SLC23A2: variants seen among roughly 807,000 people sequenced by gnomAD.
SLC23A2 encodes solute carrier family 23 member 2.
SLC23A2 carries 36 observed loss-of-function variants against 73.3 expected under a neutral mutation model. The ratio of observed to expected loss-of-function variants is 0.49; its 90% CI spans 0.38 to 0.65. SLC23A2 has a LOEUF of 0.65. SLC23A2 is among the 30% of genes least tolerant of loss of function. SLC23A2 has a pLI of 0.00. For missense variants in SLC23A2, 507 were observed against 841.6 expected, an observed-to-expected ratio of 0.60 and a Z score of 4.92; for synonymous variants, 343 against 327.3, an observed-to-expected ratio of 1.05 and a Z score of -0.52.
chr20:4,945,001 C>CAA (rs201461959), intron 2 of SLC23A2, among the ~76,000 whole-genome samples: 15 of 113,322 alleles, frequency 1.3e-4, no homozygotes, highest in Non-Finnish European at 2.4e-4. Flanking sequence ...TCTGAATTCT[C>CAA]AAAAAAAAAA....
At chr20:4,927,052 A>T (rs1386209186) in intron 3 of SLC23A2, among the ~76,000 whole-genome samples, 1 of 151,984 alleles carries the variant, frequency 6.6e-6, no homozygotes, top group Non-Finnish European at 1.5e-5. Flanking sequence ...TTCTGAGGCA[A>T]ATGAGAAAAT....
intron 13 of SLC23A2, among the ~76,000 whole-genome samples, chr20:4,866,396 A>C (rs1930201486): frequency 6.6e-6 from 1 of 152,238 alleles, no homozygotes; most frequent in African/African-American, 2.4e-5. Context: ...CTGCAAGCTC[A>C]TGGCAGCAAA....
In SLC23A2 at chr20:4,972,648, G is replaced by A. The variant is rs184871809; in HGVS notation, c.-281-1729C>T. Among the ~76,000 whole-genome samples the A allele has an allele frequency of 1.3e-4, 20 of 151,992 alleles. No homozygotes were observed. In the East Asian group the frequency reaches 2.3e-3, roughly 18 times the overall value. On this transcript the variant is annotated intron_variant, in intron 1 of 16. Transcript: ENST00000338244. ...ATCAGCCAGGCTGGAGTGCCGTGGC[G>A]CAATCTTGGCTCACTACAACCTCCA...
At chr20:4,938,452 C>T (rs2086994907) in intron 2 of SLC23A2, among the ~76,000 whole-genome samples, 1 of 151,844 alleles carries the variant, frequency 6.6e-6, no homozygotes, top group Admixed American at 6.6e-5. Flanking sequence ...AATTCTCCTG[C>T]CTCAGCGTCT....
chr20:4,913,005 G>GGAGGTGGCGCCTCCA, intron 3 of SLC23A2, 27 bp from the exon 4 acceptor site: 1 of 1,472,162 alleles, frequency 6.8e-7, no homozygotes, highest in Non-Finnish European at 9.5e-7. Flanking sequence ...CTTAGAGGCT[G>GGAGGTGGCGCCTCCA]TTTCAGCGTG....
At chr20:4,858,516 C>T (rs144153928) in intron 16 of SLC23A2, among the ~76,000 whole-genome samples, 24 of 150,536 alleles carry the variant, frequency 1.6e-4, no homozygotes, top group East Asian at 7.8e-4. Flanking sequence ...CCCCAGCAAT[C>T]TCTTGATTGA....
chr20:4,983,070 A>G (rs2087752127), intron 1 of SLC23A2, among the ~76,000 whole-genome samples: 1 of 151,906 alleles, frequency 6.6e-6, no homozygotes, highest in African/African-American at 2.4e-5. Context: ...GCGCCATTGC[A>G]CTCCAGCCTG....
chr20:4,883,617 G>C lies in SLC23A2; in HGVS notation c.824+25C>G. ...CCTAAAGGCTGCCCCGCAGTGGTGG[G>C]ATGAGGGGAGATGTTTCCACTTACA... On this transcript the variant is annotated intron_variant, in intron 9 of 16. Transcript: ENST00000338244. The surrounding 1 kb of genome is among the most constrained non-coding windows in gnomAD (Gnocchi z 4.5). 6.4e-7 allele frequency: 1 copy of C among 1,557,882 alleles called. No individual in the cohort carries two copies. Among genetic ancestry groups the C allele is most frequent in the Non-Finnish European group, 8.8e-7 (1 of 1,138,122 alleles).
In SLC23A2 at chr20:4,997,499, C is replaced by T. The variant is rs73601328; in HGVS notation, c.-282+3907G>A. On this transcript the variant is annotated intron_variant, in intron 1 of 16. Transcript: ENST00000338244. The stretch of plus-strand genomic sequence containing the variant: ...CCTCTGCTATGAACTCAACTGTATC[C>T]CCCACCACCACCGAAAGAATTCATT... Among the ~76,000 whole-genome samples the T allele has an allele frequency of 5.0e-3, 760 of 152,182 alleles. 3 individuals carry two copies. The highest frequency in any genetic ancestry group is 0.017 in the African/African-American group (719 of 41,534).
At chr20:4,989,083 A>G (rs2087880882) in intron 1 of SLC23A2, among the ~76,000 whole-genome samples, 1 of 151,720 alleles carries the variant, frequency 6.6e-6, no homozygotes, top group Non-Finnish European at 1.5e-5. Context: ...TACTAAAAAT[A>G]CAAAAATTAG....
chr20:4,907,153 G>A (rs1226717125), intron 4 of SLC23A2, among the ~76,000 whole-genome samples: 2 of 152,202 alleles, frequency 1.3e-5, no homozygotes, highest in African/African-American at 2.4e-5. Flanking sequence ...AAGGAAAACA[G>A]CAGCAGCAGG....
rs1446290012 is a variant in SLC23A2 at position 4,863,017 on chromosome 20, C to T, written c.1357-110G>A. On this transcript the variant is annotated intron_variant, in intron 13 of 16. Coordinates refer to ENST00000338244, the MANE Select transcript of SLC23A2 (RefSeq NM_005116.6). The surrounding 1 kb of genome is among the most constrained non-coding windows in gnomAD (Gnocchi z 4.8). ...TACCCATGGCCTGGCTCGCTACCTT[C>T]ACCTCCTCCTCAGCCCACTCTTCTC... is the stretch of plus-strand genomic sequence containing the variant. 1.9e-6 allele frequency: 2 copies of T among 1,065,204 alleles called. No individual in the cohort carries two copies. Among genetic ancestry groups the T allele is most frequent in the Non-Finnish European group, 2.7e-6 (2 of 740,636 alleles). 66.0% of individuals were successfully genotyped at this position (1,065,204 alleles called of 1,614,324 possible).
At chr20:4,956,737 A>AGCC (rs746807847) in intron 2 of SLC23A2, among the ~76,000 whole-genome samples, 1 of 151,734 alleles carries the variant, frequency 6.6e-6, no homozygotes, top group Non-Finnish European at 1.5e-5. Context: ...AGCTAGATGC[A>AGCC]GCCAGCCTTA....
chr20:4,875,187 G>T (rs1451810022), intron 9 of SLC23A2, among the ~76,000 whole-genome samples: 1 of 152,194 alleles, frequency 6.6e-6, no homozygotes, highest in Non-Finnish European at 1.5e-5. Context: ...TACATGATTT[G>T]CAACTGGTTT....
chr20:4,906,758 C>T (rs1931971387), intron 4 of SLC23A2, among the ~76,000 whole-genome samples: 1 of 152,048 alleles, frequency 6.6e-6, no homozygotes, highest in Admixed American at 6.6e-5. Flanking sequence ...TCTTCTAAGT[C>T]CTAAAAACAG....
At chr20:4,946,346 G>A (rs866365173) in intron 2 of SLC23A2, among the ~76,000 whole-genome samples, 53 of 152,094 alleles carry the variant, frequency 3.5e-4, no homozygotes, top group Non-Finnish European at 2.6e-4. Context: ...GGGTCCCTGG[G>A]CAAACACTGT....
chr20:5,004,062 C>A (rs1283258821), upstream of SLC23A2, among the ~76,000 whole-genome samples: 1 of 152,094 alleles, frequency 6.6e-6, no homozygotes, highest in Non-Finnish European at 1.5e-5. Flanking sequence ...CCTTCTCTAA[C>A]CCCCTCTGAA....
At chr20:4,975,721 G>C (rs1203570217) in intron 1 of SLC23A2, among the ~76,000 whole-genome samples, 1 of 150,540 alleles carries the variant, frequency 6.6e-6, no homozygotes, top group Non-Finnish European at 1.5e-5. Context: ...GACATGTAAA[G>C]AATGACATCT....
chr20:5,005,404 T>C (rs1157824376), upstream of SLC23A2, among the ~76,000 whole-genome samples: 1 of 152,126 alleles, frequency 6.6e-6, no homozygotes, highest in African/African-American at 2.4e-5. Context: ...GGTTTTTTTT[T>C]CCTCCTCCCT....
Sources: allele counts gnomAD v4.1 joint callset (sites outside exome capture counted in the v4.1 genomes callset), GRCh38; gene constraint gnomAD v4.1.1; non-coding constraint Gnocchi (gnomAD v3.1); transcripts MANE v1.5; gene names NCBI Gene and HGNC (gene_info 2026-07-23, HGNC 2026-07-21).